The following FBXL17 variants were observed in gnomAD, a reference collection of about 807,000 sequenced individuals.
FBXL17 encodes the protein F-box/LRR-repeat protein 17.
In FBXL17, 22 loss-of-function variants were observed where a neutral mutation model predicts 66.2. The ratio of observed to expected loss-of-function variants is 0.33; its 90% CI spans 0.24 to 0.47. The LOEUF is 0.47. Ranked by LOEUF, FBXL17 falls within the 20% of genes least tolerant of loss-of-function variation. The pLI is 1.00. For missense variants in FBXL17, 878 were observed against 948.2 expected, an observed-to-expected ratio of 0.93 and a Z score of 0.97; for synonymous variants, 474 against 400.5, an observed-to-expected ratio of 1.18 and a Z score of -2.19.
chr5:108,002,484 T>C lies in FBXL17; in HGVS notation c.1822+18441A>G, dbSNP rs542670930. Among the ~76,000 whole-genome samples the C allele has an allele frequency of 3.3e-5, 5 of 152,224 alleles. No homozygotes were observed. The South Asian group carries it at 1.0e-3, about 32-fold the overall frequency. Reference sequence around the variant, plus strand: ...ATACATAACCGACTTAGTAAGAAAGTAAGAAAAAACTTATGATGCTTCTCA... The same window carrying C: ...ATACATAACCGACTTAGTAAGAAAGCAAGAAAAAACTTATGATGCTTCTCA... On this transcript the variant is annotated intron_variant, in intron 7 of 8. Transcript: ENST00000542267.
chr5:108,063,947 TAAC>T, intron 6 of FBXL17, among the ~76,000 whole-genome samples: 1 of 152,278 alleles, frequency 6.6e-6, no homozygotes, highest in East Asian at 1.9e-4. Flanking sequence ...TAAATGGCAA[TAAC>T]AAAGACACAT....
intron 6 of FBXL17, among the ~76,000 whole-genome samples, chr5:108,174,165 G>A (rs1409269885): frequency 6.6e-6 from 1 of 152,066 alleles, no homozygotes; most frequent in Non-Finnish European, 1.5e-5. Flanking sequence ...TAGGATTAAA[G>A]ATAACCCTAT....
At chr5:107,896,662 C>T (rs1749393382) in intron 7 of FBXL17, among the ~76,000 whole-genome samples, 1 of 152,042 alleles carries the variant, frequency 6.6e-6, no homozygotes, top group South Asian at 2.1e-4. Context: ...GAAAATGCTC[C>T]CAAGAAGCAG....
rs1221310051 is a variant in FBXL17 at position 108,364,890 on chromosome 5, C to T, written c.1222G>A (p.Ala408Thr). ...SMSDNGVCVL[A>T]FKCPGLLRYT... ...CTAAGAAGTCCAGGACATTTAAATG[C>T]TAAAACACATACGCCATTATCAGAC... Residue 408 changes from alanine (A) to threonine (T), a missense_variant, in exon 3 of 9, where the codon GCA (alanine) becomes ACA (threonine). Around this residue, in one of 4 missense-constraint regions of FBXL17, gnomAD observed 236 missense variants for 389.1 expected, o/e 0.61. Transcript: ENST00000542267. 1 of 1,613,030 alleles carries T rather than the reference C, an allele frequency of 6.2e-7. No homozygotes were observed. Among genetic ancestry groups the T allele is most frequent in the South Asian group, 1.1e-5 (1 of 91,042 alleles).
rs566503655 is a variant in FBXL17 at position 108,101,889 on chromosome 5, T to C, written c.1746-80888A>G. Among the ~76,000 whole-genome samples, 5 of 152,304 alleles carry C rather than the reference T, an allele frequency of 3.3e-5. No individual in the cohort carries two copies. The South Asian group carries it at 8.3e-4, about 25-fold the overall frequency. On this transcript the variant is annotated intron_variant, in intron 6 of 8. Transcript: ENST00000542267. ...TGGGAGAAATGCTAAGGATATACTT[T>C]GCAAAAAGTTCAAAGTAGACATCAC...
chr5:108,083,877 T>C lies in FBXL17; in HGVS notation c.1746-62876A>G, dbSNP rs1314328344. Among the ~76,000 whole-genome samples, 8 of 152,292 alleles carry C rather than the reference T, an allele frequency of 5.3e-5. No homozygotes were observed. In the East Asian group the frequency reaches 1.5e-3, roughly 29 times the overall value. Reference sequence around the variant, plus strand: ...ACCTGGGCCTGGAATCCTTACTATGTCTCCACAGCTTGGAGACTGGTGCTC... The same window carrying C: ...ACCTGGGCCTGGAATCCTTACTATGCCTCCACAGCTTGGAGACTGGTGCTC... On this transcript the variant is annotated intron_variant, in intron 6 of 8. Transcript: ENST00000542267.
rs57707936 is a variant in FBXL17, at chr5:108,088,700, C to CAA, written c.1746-67701_1746-67700dup. On this transcript the variant is annotated intron_variant, in intron 6 of 8. Transcript: ENST00000542267. The stretch of plus-strand genomic sequence containing the variant: ...TGGCCGACAGAGCGAGACTCTATCT[C>CAA]AAAAAAAAAAAAAAAAAAAAAAAAA... Among the ~76,000 whole-genome samples, 33 of 49,300 alleles carry CAA rather than the reference C, an allele frequency of 6.7e-4. 3 individuals carry two copies. Among genetic ancestry groups the CAA allele is most frequent in the African/African-American group, 1.1e-3 (13 of 11,526 alleles). The allele number at this position is 49,300 out of a possible 152,430, so 32.3% of individuals were successfully genotyped here.
chr5:107,880,999 A>G lies in FBXL17; in HGVS notation c.1965+38T>C, dbSNP rs374021201. The G allele has an allele frequency of 4.6e-5, 75 of 1,613,988 alleles. No homozygotes were observed. The South Asian group carries it at 6.5e-4, about 14-fold the overall frequency. On this transcript the variant is annotated intron_variant, in intron 8 of 8. Transcript: ENST00000542267. ...TGACATCAAGCTATTAACTATACTG[A>G]TATGTAGAAAGCAAACAACTTGATA...
intron 6 of FBXL17, among the ~76,000 whole-genome samples, chr5:108,106,617 G>A (rs1749807090): frequency 6.6e-6 from 1 of 152,144 alleles, no homozygotes; most frequent in Non-Finnish European, 1.5e-5. Context: ...TGAAAACATT[G>A]TATTACATGA....
At chr5:107,921,094 TAATAAATTGAGTA>T (rs1750303574) in intron 7 of FBXL17, among the ~76,000 whole-genome samples, 1 of 152,246 alleles carries the variant, frequency 6.6e-6, no homozygotes, top group South Asian at 2.1e-4. Context: ...TGTTTGACTA[TAATAAATTGAGTA>T]AAAAATAACA....
At chr5:108,123,554 A>C (rs1750583893) in intron 6 of FBXL17, among the ~76,000 whole-genome samples, 1 of 152,210 alleles carries the variant, frequency 6.6e-6, no homozygotes, top group Admixed American at 6.5e-5. Context: ...TCTTTAGTAA[A>C]GATATCACTG....
At chr5:108,048,221 T>C (rs1035095290) in intron 6 of FBXL17, among the ~76,000 whole-genome samples, 4 of 151,950 alleles carry the variant, frequency 2.6e-5, no homozygotes, top group Admixed American at 1.3e-4. Flanking sequence ...GACCTGACCA[T>C]TGAAAGAAAA....
intron 6 of FBXL17, among the ~76,000 whole-genome samples, chr5:108,058,641 C>T (rs1747807205): frequency 6.6e-6 from 1 of 152,096 alleles, no homozygotes; most frequent in South Asian, 2.1e-4. Flanking sequence ...CATGCTGCCA[C>T]ACCCGGCTAA....
In FBXL17 at chr5:108,232,939, G is replaced by T. The variant is rs1755431953; in HGVS notation, c.1507-8711C>A. Among the ~76,000 whole-genome samples the T allele has an allele frequency of 2.0e-5, 3 of 150,930 alleles. No individual in the cohort carries two copies. The South Asian group carries it at 6.2e-4, about 31-fold the overall frequency. Reference sequence around the variant, plus strand: ...TCTATTCACCAGTTGATAAATACTTGAACTGTTTCCAATTTGGGGCTTTGA... The same window carrying T: ...TCTATTCACCAGTTGATAAATACTTTAACTGTTTCCAATTTGGGGCTTTGA... On this transcript the variant is annotated intron_variant, in intron 4 of 8. Coordinates refer to ENST00000542267, the MANE Select transcript of FBXL17 (RefSeq NM_001163315.3).
At chr5:108,270,547 AC>A (rs1424290279) in intron 4 of FBXL17, among the ~76,000 whole-genome samples, 3 of 150,794 alleles carry the variant, frequency 2.0e-5, no homozygotes, top group East Asian at 3.9e-4. Context: ...AAAAAAAAAA[AC>A]ATGTTCTCAA....
chr5:108,270,956 CT>C (rs1200524412), intron 4 of FBXL17, among the ~76,000 whole-genome samples: 3 of 151,978 alleles, frequency 2.0e-5, no homozygotes, highest in Non-Finnish European at 2.9e-5. Flanking sequence ...ATCTCTCCCC[CT>C]TTCCCCCTCT....
intron 5 of FBXL17, among the ~76,000 whole-genome samples, chr5:108,207,150 C>T (rs1754155770): frequency 6.6e-6 from 1 of 152,034 alleles, no homozygotes; most frequent in South Asian, 2.1e-4. Context: ...TCCCCGACCC[C>T]CTCAAAATAT....
chr5:107,948,696 T>G (rs561940889), intron 7 of FBXL17, among the ~76,000 whole-genome samples: 106 of 152,346 alleles, frequency 7.0e-4, no homozygotes, highest in Middle Eastern at 3.4e-3. Flanking sequence ...AAGGCATACA[T>G]GATTTAATTC....
intron 6 of FBXL17, among the ~76,000 whole-genome samples, chr5:108,177,927 A>G (rs1268333886): frequency 6.9e-6 from 1 of 143,948 alleles, no homozygotes; most frequent in Admixed American, 7.2e-5. Flanking sequence ...ATATATATAT[A>G]TATATACACA....
Sources: gnomAD v4.1 joint callset for allele counts (sites outside exome capture counted in the v4.1 genomes callset) on GRCh38, gnomAD v4.1.1 for gene constraint, gnomAD v4.1.1 regional missense constraint, MANE v1.5 for transcripts, NCBI Gene and HGNC (gene_info 2026-07-23, HGNC 2026-07-21) for gene names.